CCKBR: variants seen among roughly 807,000 people sequenced by gnomAD.
CCKBR encodes gastrin/cholecystokinin type B receptor.
A neutral mutation model predicts 34.6 loss-of-function variants in CCKBR; 33 were observed. That is an observed-to-expected ratio of 0.95 (90% confidence interval 0.72 to 1.27). The LOEUF is 1.27. Ranked by LOEUF, CCKBR falls within the 50% of genes most tolerant of loss-of-function variation. The pLI, the probability that CCKBR is intolerant of heterozygous loss-of-function variation, is 0.00. For missense variants in CCKBR, 652 were observed against 617.4 expected (o/e 1.06, Z -0.59); for synonymous variants, 269 against 267.5 (o/e 1.01, Z -0.06).
At chr11:6,261,622 T>C (rs937103169) in intron 1 of CCKBR, among the ~76,000 whole-genome samples, 3 of 151,854 alleles carry the variant, frequency 2.0e-5, no homozygotes, top group African/African-American at 7.3e-5. Flanking sequence ...CACTGTGACA[T>C]AGTTTTGAGT....
Position 6,270,720 on chromosome 11 carries a change from G to T in CCKBR, c.728G>T (p.Arg243Leu), listed in dbSNP as rs760799719. 7 of 1,614,144 alleles carry T rather than the reference G, an allele frequency of 4.3e-6. No homozygotes were observed. In the South Asian group the frequency reaches 6.6e-5, roughly 15 times the overall value. ...GCCGTGGCCTACGGGCTTATCTCTC[G>T]CGAGCTCTACTTAGGGCTTCGCTTT... ...VMAVAYGLIS[R>L]ELYLGLRFDG... The change falls in exon 4 of 5, where the codon CGC becomes CTC. Residue 243 changes from arginine to leucine, a missense_variant. Arg to Leu is a moderately radical substitution (Grantham distance 102). Coordinates refer to ENST00000334619, the MANE Select transcript of CCKBR (RefSeq NM_176875.4).
At chr11:6,266,540 G>A (rs1437087929) in intron 1 of CCKBR, among the ~76,000 whole-genome samples, 2 of 152,128 alleles carry the variant, frequency 1.3e-5, no homozygotes, top group African/African-American at 4.8e-5. Context: ...GAGGTAGTAT[G>A]ATGAATAACA....
In CCKBR at chr11:6,270,228, T is replaced by TC; in HGVS notation, c.546dup (p.Gly183ArgfsTer70). The TC allele has an allele frequency of 6.2e-7, 1 of 1,613,278 alleles. No individual in the cohort carries two copies. Among genetic ancestry groups the TC allele is most frequent in the South Asian group, 1.1e-5 (1 of 91,080 alleles). On this transcript the variant is annotated frameshift_variant, in exon 3 of 5. Coordinates refer to ENST00000334619, the MANE Select transcript of CCKBR (RefSeq NM_176875.4). LOFTEE classifies it high-confidence loss of function. ...CGTGATTGTAGCCACGTGGCTGCTG[T>TC]CCGGACTACTCATGGTGCCCTACCC...
At position 6,264,839 on chromosome 11, in the gene CCKBR, G is replaced by T. The variant is rs936198204; in HGVS notation, c.151+4760G>T. Among the ~76,000 whole-genome samples, 9 of 152,236 alleles carry T rather than the reference G, an allele frequency of 5.9e-5. No individual in the cohort carries two copies. In the East Asian group the frequency reaches 1.3e-3, roughly 23 times the overall value. On this transcript the variant is annotated intron_variant, in intron 1 of 4. Transcript: ENST00000334619. ...TTTAAGTTTACAAAAATTACAGAGTGCCCATACACACACAACCACACATAT... is the reference window on the plus strand; with the variant it reads ...TTTAAGTTTACAAAAATTACAGAGTTCCCATACACACACAACCACACATAT...
rs1307571980 is a variant in CCKBR at position 6,271,886 on chromosome 11, G to A, written c.*343G>A. On this transcript the variant is annotated 3_prime_UTR_variant, in exon 5 of 5. Coordinates refer to ENST00000334619, the MANE Select transcript of CCKBR (RefSeq NM_176875.4). ...CACACATAGATTAATGGCACTGATT[G>A]TTTTAGAGACTATGGAGCCTGGCAC... 7.5e-6 allele frequency: 2 copies of A among 266,278 alleles called. No individual in the cohort carries two copies. The highest frequency in any genetic ancestry group is 2.2e-5 in the African/African-American group (1 of 45,310). The allele number at this position is 266,278 out of a possible 1,614,324, so 16.5% of individuals were successfully genotyped here. A position where few individuals can be genotyped will look rare whatever the true frequency, so the allele number is the denominator to read the frequency against.
chr11:6,261,452 A>AAAAAAAAAT (rs1564884679), intron 1 of CCKBR, among the ~76,000 whole-genome samples: 1 of 46,800 alleles, frequency 2.1e-5, no homozygotes, highest in East Asian at 1.3e-3. Context: ...AAAAAAAAAA[A>AAAAAAAAAT]AAATATATAT....
At chr11:6,270,966 G>T (rs575229231) in intron 4 of CCKBR, 45 bp from the exon 5 acceptor site, 2 of 1,612,664 alleles carry the variant, frequency 1.2e-6, no homozygotes, top group East Asian at 2.2e-5. Flanking sequence ...GCTGGAGACT[G>T]GGGGGACTCG....
chr11:6,260,239 C>T (rs1255322666), intron 1 of CCKBR, among the ~76,000 whole-genome samples, 160 bp downstream of exon 1: 2 of 151,916 alleles, frequency 1.3e-5, no homozygotes, highest in African/African-American at 4.8e-5. Context: ...CACACCTTCA[C>T]CCCCACAGCC....
In CCKBR at chr11:6,259,947, A is replaced by T; in HGVS notation, c.19A>T (p.Asn7Tyr). The T allele has an allele frequency of 5.3e-6, 8 of 1,507,220 alleles. No individual in the cohort carries two copies. The highest frequency in any genetic ancestry group is 7.1e-6 in the Non-Finnish European group (8 of 1,133,522). The allele number at this position is 1,507,220 out of a possible 1,614,324, so 93.4% of individuals were successfully genotyped here. Reference sequence around the variant, plus strand: ...GGGGGCCATGGAGCTGCTAAAGCTGAACCGGAGCGTGCAGGGAACCGGACC... The same window carrying T: ...GGGGGCCATGGAGCTGCTAAAGCTGTACCGGAGCGTGCAGGGAACCGGACC... MELLKL[N>Y]RSVQGTGPGP... is the part of the protein sequence containing the mutation. The change falls in exon 1 of 5, where the codon AAC becomes TAC. Residue 7 changes from asparagine to tyrosine, a missense_variant. Asn to Tyr is a moderately radical substitution (Grantham distance 143, BLOSUM62 -2). Coordinates refer to ENST00000334619, the MANE Select transcript of CCKBR (RefSeq NM_176875.4).
In CCKBR at chr11:6,271,293, G is replaced by C; in HGVS notation, c.1094G>C (p.Arg365Pro). ...WRAFDGPGAH[R>P]ALSGAPISFI... is the part of the protein sequence containing the mutation. ...GCCTTTGATGGCCCGGGTGCACACC[G>C]AGCACTCTCGGGTGCTCCTATCTCC... The change falls in exon 5 of 5, where the codon CGA (arginine) becomes CCA (proline). Residue 365 changes from arginine (R) to proline (P), a missense_variant. Coordinates refer to ENST00000334619, the MANE Select transcript of CCKBR (RefSeq NM_176875.4). 2 of 1,614,190 alleles carry C rather than the reference G, an allele frequency of 1.2e-6. No individual in the cohort carries two copies. Among genetic ancestry groups the C allele is most frequent in the Non-Finnish European group, 1.7e-6 (2 of 1,180,022 alleles).
chr11:6,270,766 C>T lies in CCKBR; in HGVS notation c.774C>T (p.Asp258=). Residue 258 remains aspartate, a synonymous_variant, in exon 4 of 5, where the codon GAC becomes GAT. Transcript: ENST00000334619. Reference sequence around the variant, plus strand: ...GCTTTGACGGCGACAGTGACAGCGACAGCCAAAGCAGGGTCCGAAACCAAG... The same window carrying T: ...GCTTTGACGGCGACAGTGACAGCGATAGCCAAAGCAGGGTCCGAAACCAAG... ...GLRFDGDSDS[D]SQSRVRNQGG... is the part of the protein sequence containing the mutation. 6.2e-7 allele frequency: 1 copy of T among 1,614,198 alleles called. No homozygotes were observed. The highest frequency in any genetic ancestry group is 8.5e-7 in the Non-Finnish European group (1 of 1,180,050).
rs1477814002 is a variant in CCKBR at position 6,261,446 on chromosome 11, A to AT, written c.151+1367_151+1368insT. Among the ~76,000 whole-genome samples, 6 of 40,570 alleles carry AT rather than the reference A, an allele frequency of 1.5e-4. 1 individual carries two copies. Among genetic ancestry groups the AT allele is most frequent in the African/African-American group, 2.2e-4 (3 of 13,720 alleles). The allele number at this position is 40,570 out of a possible 152,430, so 26.6% of individuals were successfully genotyped here. Reference sequence around the variant, plus strand: ...AGCTTCCTGTTGGCAAAAAAAAAAAAAAAAAAAAATATATATACACACACA... The same window carrying AT: ...AGCTTCCTGTTGGCAAAAAAAAAAAATAAAAAAAAATATATATACACACACA... On this transcript the variant is annotated intron_variant, in intron 1 of 4. Transcript: ENST00000334619.
Position 6,259,942 on chromosome 11 carries a change from A to C in CCKBR, c.14A>C (p.Lys5Thr). MELL[K>T]LNRSVQGTGP... ...TCGGCGGGGGCCATGGAGCTGCTAAAGCTGAACCGGAGCGTGCAGGGAACC... is the reference window on the plus strand; with the variant it reads ...TCGGCGGGGGCCATGGAGCTGCTAACGCTGAACCGGAGCGTGCAGGGAACC... The change falls in exon 1 of 5, where the codon AAG (lysine) becomes ACG (threonine). Residue 5 changes from lysine to threonine, a missense_variant. Physicochemically the swap from Lys to Thr is moderately conservative, Grantham distance 78. Transcript: ENST00000334619. The C allele has an allele frequency of 6.7e-7, 1 of 1,489,196 alleles. No individual in the cohort carries two copies. The highest frequency in any genetic ancestry group is 8.9e-7 in the Non-Finnish European group (1 of 1,125,324). 92.2% of individuals were successfully genotyped at this position (1,489,196 alleles called of 1,614,324 possible). A position where few individuals can be genotyped will look rare whatever the true frequency, so the allele number is the denominator to read the frequency against.
chr11:6,271,102 G>T lies in CCKBR; in HGVS notation c.903G>T (p.Arg301=), dbSNP rs777652032. 1.2e-6 allele frequency: 2 copies of T among 1,614,092 alleles called. No individual in the cohort carries two copies. Among genetic ancestry groups the T allele is most frequent in the East Asian group, 4.5e-5 (2 of 44,884 alleles). ...DGCYVQLPRS[R]PALELTALTA... ...GCTACGTGCAACTTCCACGTTCCCG[G>T]CCTGCCCTGGAGCTGACGGCGCTGA... The change falls in exon 5 of 5, where the codon CGG becomes CGT. Residue 301 remains arginine, a synonymous_variant. Transcript: ENST00000334619.
chr11:6,270,016 G>A, intron 2 of CCKBR, 72 bp from the exon 3 acceptor site: 1 of 1,589,952 alleles, frequency 6.3e-7, no homozygotes, highest in Non-Finnish European at 8.6e-7. Context: ...GGAGGGGTGT[G>A]AGGAAGTCCC....
intron 1 of CCKBR, among the ~76,000 whole-genome samples, chr11:6,262,710 GAGAGAGAGAGAGAGAA>G (rs1848153456): frequency 7.0e-6 from 1 of 142,508 alleles, no homozygotes; most frequent in African/African-American, 2.5e-5. Flanking sequence ...GAGAGAGAGA[GAGAGAGAGAGAGAGAA>G]AGAAAAGCAG....
Position 6,269,996 on chromosome 11 carries a change from C to T in CCKBR, c.403+76C>T, listed in dbSNP as rs996748863. The T allele has an allele frequency of 5.4e-5, 86 of 1,594,490 alleles. 1 individual carries two copies. Among genetic ancestry groups the T allele is most frequent in the South Asian group, 1.0e-4 (9 of 88,316 alleles). On this transcript the variant is annotated intron_variant, in intron 2 of 4. Transcript: ENST00000334619. ...CTCTTGTGGATGTAGGGGTCTTCCC[C>T]GGTTGGCAGGGAGGGGTGTGAGGAA...
intron 1 of CCKBR, among the ~76,000 whole-genome samples, chr11:6,268,080 G>A (rs1423206348): frequency 1.3e-5 from 2 of 152,230 alleles, no homozygotes; most frequent in Non-Finnish European, 2.9e-5. Flanking sequence ...CTGGCCTCAG[G>A]TGATCCTCCC....
intron 1 of CCKBR, among the ~76,000 whole-genome samples, chr11:6,266,863 A>G (rs1336635305): frequency 6.6e-6 from 1 of 152,234 alleles, no homozygotes; most frequent in African/African-American, 2.4e-5. Context: ...GGTATAGCCT[A>G]CTACATACCT....
Sources: allele counts gnomAD v4.1 joint callset (sites outside exome capture counted in the v4.1 genomes callset), GRCh38; gene constraint gnomAD v4.1.1; transcripts MANE v1.5; gene names NCBI Gene and HGNC (gene_info 2026-07-23, HGNC 2026-07-21).